RFTN1: variants seen among roughly 807,000 people sequenced by gnomAD.
The protein encoded by RFTN1 is raftlin, lipid raft linker 1.
In RFTN1, 26 loss-of-function variants were observed where a neutral mutation model predicts 46.5. That is an observed-to-expected ratio of 0.56 (90% CI 0.41 to 0.78). The LOEUF is 0.78. RFTN1 is among the 30% of genes least tolerant of loss of function. The probability of loss-of-function intolerance (pLI) is 0.00; values close to 1 mark genes in which losing one functional copy is unlikely to be tolerated. For missense variants in RFTN1, 693 were observed against 718.7 expected, an observed-to-expected ratio of 0.96 and a Z score of 0.41; for synonymous variants, 261 against 284.2, an observed-to-expected ratio of 0.92 and a Z score of 0.82.
At position 16,327,488 on chromosome 3, in the gene RFTN1, T is replaced by C. The variant is rs2069825908; in HGVS notation, c.1147-612A>G. On this transcript the variant is annotated intron_variant, in intron 7 of 9. Transcript: ENST00000334133. The surrounding 1 kb of genome is among the most constrained non-coding windows in gnomAD (Gnocchi z 4.2). ...AAAAAACTCAGCCCCGGCCGGGTGC[T>C]GTGGCTCACGTCTGTAATCCCAGCA... is the stretch of plus-strand genomic sequence containing the variant. Among the ~76,000 whole-genome samples, 1 of 152,030 alleles carries C rather than the reference T, an allele frequency of 6.6e-6. No homozygotes were observed. Among genetic ancestry groups the C allele is most frequent in the South Asian group, 2.1e-4 (1 of 4,824 alleles).
At position 16,506,406 on chromosome 3, in the gene RFTN1, G is replaced by C. The variant is rs577944741; in HGVS notation, c.-9+7036C>G. Among the ~76,000 whole-genome samples the C allele has an allele frequency of 1.3e-5, 2 of 152,090 alleles. No individual in the cohort carries two copies. Among genetic ancestry groups the C allele is most frequent in the East Asian group, 1.9e-4 (1 of 5,186 alleles). Reference sequence around the variant, plus strand: ...GAGTTGGAAGCCTCTGGAAGGTTTCGAGCTGAAAGAAGACATCAATTACTC... The same window carrying C: ...GAGTTGGAAGCCTCTGGAAGGTTTCCAGCTGAAAGAAGACATCAATTACTC... On this transcript the variant is annotated intron_variant, in intron 1 of 9. Transcript: ENST00000334133. This position sits in a 1 kb window ranked among gnomAD's most constrained non-coding sequence, Gnocchi z 4.8.
intron 2 of RFTN1, among the ~76,000 whole-genome samples, chr3:16,445,002 C>T (rs143905367): frequency 3.0e-3 from 452 of 152,228 alleles, no homozygotes; most frequent in African/African-American, 0.01. Context: ...CAGAAATATG[C>T]CATAGGAATT....
intron 4 of RFTN1, among the ~76,000 whole-genome samples, chr3:16,396,563 AAG>A (rs746164109): frequency 3.9e-5 from 6 of 152,216 alleles, no homozygotes; most frequent in South Asian, 2.1e-4. Context: ...AGAGTGAAAA[AAG>A]AGAGGAGGGA....
rs2125421640 is a variant in RFTN1, at chr3:16,400,769, A to G, written c.441+8606T>C. On this transcript the variant is annotated intron_variant, in intron 4 of 9. Transcript: ENST00000334133. The surrounding 1 kb of genome is among the most constrained non-coding windows in gnomAD (Gnocchi z 4.5). ...AGATCACAGGCTAATAAAAATAGCAAGAGGACAGAGGATCAAGAGAGGCCA... is the reference window on the plus strand; with the variant it reads ...AGATCACAGGCTAATAAAAATAGCAGGAGGACAGAGGATCAAGAGAGGCCA... 6.6e-6 allele frequency among the ~76,000 whole-genome samples: 1 copy of G among 152,336 alleles called. No individual in the cohort carries two copies.
rs2075774207 is a variant in RFTN1 at position 16,448,624 on chromosome 3, T to C, written c.146-14587A>G. On this transcript the variant is annotated intron_variant, in intron 2 of 9. Coordinates refer to ENST00000334133, the MANE Select transcript of RFTN1 (RefSeq NM_015150.2). This position sits in a 1 kb window ranked among gnomAD's most constrained non-coding sequence, Gnocchi z 4.1. The stretch of plus-strand genomic sequence containing the variant: ...AAAGTACAACTTTTTACTGCCTTCA[T>C]GTTTGATGGTTTGCTCCCTGTGTCC... Among the ~76,000 whole-genome samples, 1 of 152,238 alleles carries C rather than the reference T, an allele frequency of 6.6e-6. No homozygotes were observed. Among genetic ancestry groups the C allele is most frequent in the African/African-American group, 2.4e-5 (1 of 41,456 alleles).
intron 4 of RFTN1, among the ~76,000 whole-genome samples, chr3:16,386,015 A>G (rs1161584498): frequency 6.6e-6 from 1 of 152,216 alleles, no homozygotes; most frequent in East Asian, 1.9e-4. Flanking sequence ...AAACTGATAA[A>G]TCAAACTTCA....
In RFTN1 at chr3:16,498,271, C is replaced by T. The variant is rs764507243; in HGVS notation, c.-8-4394G>A. ...GGATGTAAACTTCTGTAACAAATAG[C>T]TGAGTCTTAGCCAATCACAGCAGCA... On this transcript the variant is annotated intron_variant, in intron 1 of 9. Transcript: ENST00000334133. The surrounding 1 kb of genome is among the most constrained non-coding windows in gnomAD (Gnocchi z 5.2). 5.3e-5 allele frequency among the ~76,000 whole-genome samples: 8 copies of T among 152,198 alleles called. No homozygotes were observed. Among genetic ancestry groups the T allele is most frequent in the Non-Finnish European group, 1.2e-4 (8 of 68,044 alleles).
rs1259194994 is a variant in RFTN1 at position 16,471,316 on chromosome 3, T to C, written c.145+22409A>G. On this transcript the variant is annotated intron_variant, in intron 2 of 9. Coordinates refer to ENST00000334133, the MANE Select transcript of RFTN1 (RefSeq NM_015150.2). ...GAGACAGTATGCATAGTGGTTACCA[T>C]CATTGGTTCTGAAGTTAGACAACCT... 3.9e-5 allele frequency among the ~76,000 whole-genome samples: 6 copies of C among 152,196 alleles called. 1 individual carries two copies. The highest frequency in any genetic ancestry group is 2.6e-4 in the Admixed American group (4 of 15,282).
chr3:16,478,895 C>T (rs932737801), intron 2 of RFTN1, among the ~76,000 whole-genome samples: 10 of 152,094 alleles, frequency 6.6e-5, no homozygotes, highest in East Asian at 5.8e-4. Context: ...CAAGAGAGAG[C>T]GGGAGAGTGC....
chr3:16,394,029 T>C (rs1277277588), intron 4 of RFTN1, among the ~76,000 whole-genome samples: 1 of 151,968 alleles, frequency 6.6e-6, no homozygotes, highest in African/African-American at 2.4e-5. Flanking sequence ...GGAAAACAAT[T>C]TGGGGTGCTA....
chr3:16,466,067 C>G lies in RFTN1; in HGVS notation c.145+27658G>C, dbSNP rs1480903665. ...CCCATCACTCCACATCACTCTCATG[C>G]TCTGAATTCTTCTGTGGCTCCCCAG... On this transcript the variant is annotated intron_variant, in intron 2 of 9. Transcript: ENST00000334133. This position sits in a 1 kb window ranked among gnomAD's most constrained non-coding sequence, Gnocchi z 5.6. 1.3e-5 allele frequency among the ~76,000 whole-genome samples: 2 copies of G among 152,244 alleles called. No individual in the cohort carries two copies. The highest frequency in any genetic ancestry group is 2.9e-5 in the Non-Finnish European group (2 of 68,040).
rs566656111 is a variant in RFTN1, at chr3:16,378,063, C to T, written c.481G>A (p.Val161Ile). 1.2e-6 allele frequency: 2 copies of T among 1,612,166 alleles called. No homozygotes were observed. The highest frequency in any genetic ancestry group is 1.3e-5 in the African/African-American group (1 of 75,038). ...AASQGLKFVGVIPQYHSSVNS... is the reference protein window; with the variant it reads ...AASQGLKFVGIIPQYHSSVNS... ...ACAGAGGAATGGTACTGAGGTATAA[C>T]ACCAACGAATTTCAGGCCCTGGCTT... is the stretch of plus-strand genomic sequence containing the variant. Residue 161 changes from valine (V) to isoleucine (I), a missense_variant, in exon 5 of 10, where the codon GTT becomes ATT. Transcript: ENST00000334133.
rs772545268 is a variant in RFTN1, at chr3:16,353,981, GGGTAGAGCCT to G, written c.1146+3941_1146+3950del. On this transcript the variant is annotated intron_variant, in intron 7 of 9. Coordinates refer to ENST00000334133, the MANE Select transcript of RFTN1 (RefSeq NM_015150.2). The surrounding 1 kb of genome is among the most constrained non-coding windows in gnomAD (Gnocchi z 5.4). ...AAGACATCCATTGAATAGGAAATAG[GGGTAGAGCCT>G]GGATAGCTGTGTTTTAAAAAGTTCT... Among the ~76,000 whole-genome samples the G allele has an allele frequency of 1.3e-5, 2 of 152,180 alleles. No individual in the cohort carries two copies. Among genetic ancestry groups the G allele is most frequent in the African/African-American group, 2.4e-5 (1 of 41,434 alleles).
rs1006930298 is a variant in RFTN1 at position 16,329,447 on chromosome 3, C to T, written c.1147-2571G>A. Among the ~76,000 whole-genome samples the T allele has an allele frequency of 3.3e-5, 5 of 152,124 alleles. No homozygotes were observed. The highest frequency in any genetic ancestry group is 7.4e-5 in the Non-Finnish European group (5 of 68,014). On this transcript the variant is annotated intron_variant, in intron 7 of 9. Coordinates refer to ENST00000334133, the MANE Select transcript of RFTN1 (RefSeq NM_015150.2). The surrounding 1 kb of genome is among the most constrained non-coding windows in gnomAD (Gnocchi z 4.5). Reference sequence around the variant, plus strand: ...AGAATAATCCGTTTACAGGTGGGGCCAGGAGAGAATGCCATTCTGGTCCCT... The same window carrying T: ...AGAATAATCCGTTTACAGGTGGGGCTAGGAGAGAATGCCATTCTGGTCCCT...
chr3:16,398,244 C>CAAAAAAAAAAAAAAAAAA (rs202032095), intron 4 of RFTN1, among the ~76,000 whole-genome samples: 44 of 110,920 alleles, frequency 4.0e-4, no homozygotes, highest in African/African-American at 9.9e-4. Flanking sequence ...AAGACTGTCT[C>CAAAAAAAAAAAAAAAAAA]AAAAAAAAAA....
At position 16,338,576 on chromosome 3, in the gene RFTN1, T is replaced by TA. The variant is rs1165932353; in HGVS notation, c.1147-11701dup. 4.6e-5 allele frequency among the ~76,000 whole-genome samples: 7 copies of TA among 152,160 alleles called. No individual in the cohort carries two copies. The highest frequency in any genetic ancestry group is 7.4e-5 in the Non-Finnish European group (5 of 68,010). On this transcript the variant is annotated intron_variant, in intron 7 of 9. Coordinates refer to ENST00000334133, the MANE Select transcript of RFTN1 (RefSeq NM_015150.2). This position sits in a 1 kb window ranked among gnomAD's most constrained non-coding sequence, Gnocchi z 5.3. Reference sequence around the variant, plus strand: ...AGAAATAGCTTTGTTTGATAACAATTAAAAAAGAAACATTTTCTCCATCCA... The same window carrying TA: ...AGAAATAGCTTTGTTTGATAACAATTAAAAAAAGAAACATTTTCTCCATCCA...
In RFTN1 at chr3:16,345,857, T is replaced by C. The variant is rs1048609377; in HGVS notation, c.1146+12075A>G. Among the ~76,000 whole-genome samples, 2 of 143,586 alleles carry C rather than the reference T, an allele frequency of 1.4e-5. No homozygotes were observed. The highest frequency in any genetic ancestry group is 3.1e-5 in the Non-Finnish European group (2 of 64,172). The allele number at this position is 143,586 out of a possible 152,430, so 94.2% of individuals were successfully genotyped here. A position where few individuals can be genotyped will look rare whatever the true frequency, so the allele number is the denominator to read the frequency against. On this transcript the variant is annotated intron_variant, in intron 7 of 9. Coordinates refer to ENST00000334133, the MANE Select transcript of RFTN1 (RefSeq NM_015150.2). The surrounding 1 kb of genome is among the most constrained non-coding windows in gnomAD (Gnocchi z 5.2). ...GCGCACGCGCACATGTGCATGTGTA[T>C]GTGTATAATCTCCTACTGGTTCTGT...
intron 7 of RFTN1, among the ~76,000 whole-genome samples, chr3:16,340,672 T>C (rs1255398652): frequency 6.6e-6 from 1 of 152,250 alleles, no homozygotes; most frequent in Non-Finnish European, 1.5e-5. Flanking sequence ...CTTGTCTTTA[T>C]ACAGGAAGGT....
Position 16,426,660 on chromosome 3 carries a change from CGTGTGTGTGTGTGT to C in RFTN1, c.332+7177_332+7190del, listed in dbSNP as rs34705903. On this transcript the variant is annotated intron_variant, in intron 3 of 9. Coordinates refer to ENST00000334133, the MANE Select transcript of RFTN1 (RefSeq NM_015150.2). The surrounding 1 kb of genome is among the most constrained non-coding windows in gnomAD (Gnocchi z 5.9). ...ACTGTTATTTTGGCAATGAAAGGAT[CGTGTGTGTGTGTGT>C]GTGTGTGTGTGTGTGTGTGTGTGTC... Among the ~76,000 whole-genome samples the C allele has an allele frequency of 4.2e-5, 6 of 142,024 alleles. No individual in the cohort carries two copies. Among genetic ancestry groups the C allele is most frequent in the African/African-American group, 1.1e-4 (4 of 37,494 alleles). 93.2% of individuals were successfully genotyped at this position (142,024 alleles called of 152,430 possible). A position where few individuals can be genotyped will look rare whatever the true frequency, so the allele number is the denominator to read the frequency against.
Sources: gnomAD v4.1 joint callset for allele counts (sites outside exome capture counted in the v4.1 genomes callset) on GRCh38, gnomAD v4.1.1 for gene constraint, Gnocchi (gnomAD v3.1) non-coding constraint, MANE v1.5 for transcripts, NCBI Gene and HGNC (gene_info 2026-07-23, HGNC 2026-07-21) for gene names.